CTNNA3: variants seen among roughly 807,000 people sequenced by gnomAD.
CTNNA3 encodes catenin alpha-3.
Under a neutral mutation model 95.7 loss-of-function variants are expected in CTNNA3, and 76 were observed. The observed-to-expected ratio is 0.79, with a 90% CI of 0.66 to 0.96. The LOEUF is 0.96. Among genes scored for constraint, CTNNA3 ranks in the 40% least tolerant of loss-of-function variants. CTNNA3 has a pLI of 0.00. For synonymous variants in CTNNA3, 431 were observed against 374.4 expected, an observed-to-expected ratio of 1.15 and a Z score of -1.74; for missense variants, 1,191 against 1,089.8, an observed-to-expected ratio of 1.09 and a Z score of -1.31.
At chr10:66,535,301 G>T (rs1214336453) in intron 10 of CTNNA3, among the ~76,000 whole-genome samples, 1 of 152,148 alleles carries the variant, frequency 6.6e-6, no homozygotes, top group Non-Finnish European at 1.5e-5. Context: ...AATTTAAAGT[G>T]TTATTTATTT....
rs1428231194 is a variant in CTNNA3 at position 67,080,908 on chromosome 10, G to GA, written c.1047+99408dup. ...TGGGCGAGAGAGCGAGACTCTGTCT[G>GA]AAAAAAAACAAAAAAACAAAAAAAC... On this transcript the variant is annotated intron_variant, in intron 7 of 17. Transcript: ENST00000433211. 4.7e-5 allele frequency among the ~76,000 whole-genome samples: 5 copies of GA among 106,482 alleles called. No homozygotes were observed. The South Asian group carries it at 8.6e-4, about 18-fold the overall frequency. 69.9% of individuals were successfully genotyped at this position (106,482 alleles called of 152,430 possible). A position where few individuals can be genotyped will look rare whatever the true frequency, so the allele number is the denominator to read the frequency against.
rs527245554 is a variant in CTNNA3, at chr10:66,072,521, T to A, written c.1978-3032A>T. Among the ~76,000 whole-genome samples the A allele has an allele frequency of 7.2e-5, 11 of 152,224 alleles. No individual in the cohort carries two copies. In the East Asian group the frequency reaches 2.1e-3, roughly 29 times the overall value. ...GTGCAGTGGCATGATCTCAGCTCAC[T>A]GCCACCTCTACCTCCTAGATTCAAG... On this transcript the variant is annotated intron_variant, in intron 14 of 17. Coordinates refer to ENST00000433211, the MANE Select transcript of CTNNA3 (RefSeq NM_013266.4).
intron 9 of CTNNA3, among the ~76,000 whole-genome samples, chr10:66,717,266 A>T (rs1035947888): frequency 6.6e-6 from 1 of 152,142 alleles, no homozygotes; most frequent in African/African-American, 2.4e-5. Context: ...ACCCCGACTG[A>T]CACAGGTAAA....
intron 5 of CTNNA3, among the ~76,000 whole-genome samples, chr10:67,501,506 G>A (rs1239584901): frequency 6.6e-6 from 1 of 152,104 alleles, no homozygotes; most frequent in Non-Finnish European, 1.5e-5. Context: ...TTGAATGTTG[G>A]CCTGTCTTGC....
Position 67,304,120 on chromosome 10 carries a change from TGTGGAGTTGG to T in CTNNA3, c.580-84260_580-84251del, listed in dbSNP as rs1474246214. On this transcript the variant is annotated intron_variant, in intron 5 of 17. Coordinates refer to ENST00000433211, the MANE Select transcript of CTNNA3 (RefSeq NM_013266.4). The stretch of plus-strand genomic sequence containing the variant: ...ATGCTTGAGATGTAAACATATATAA[TGTGGAGTTGG>T]GCAAAATTAAGGGTCTGCATCCCCA... Among the ~76,000 whole-genome samples, 7 of 152,212 alleles carry T rather than the reference TGTGGAGTTGG, an allele frequency of 4.6e-5. 1 individual carries two copies. The South Asian group carries it at 1.2e-3, about 27-fold the overall frequency.
intron 7 of CTNNA3, among the ~76,000 whole-genome samples, chr10:66,802,123 A>T (rs541945036): frequency 7.2e-5 from 11 of 151,850 alleles, no homozygotes; most frequent in African/African-American, 2.6e-4. Flanking sequence ...AACACCTAGG[A>T]GCAAAGAGCT....
chr10:66,957,396 ATATATATATATATATATG>A (rs1848854009), intron 7 of CTNNA3, among the ~76,000 whole-genome samples: 10 of 6,922 alleles, frequency 1.4e-3, no homozygotes, highest in African/African-American at 7.6e-3. Flanking sequence ...ATATATACAT[ATATATATATATATATATG>A]CATATATATA....
At chr10:66,393,826 CT>C (rs2092953061) in intron 11 of CTNNA3, among the ~76,000 whole-genome samples, 1 of 151,932 alleles carries the variant, frequency 6.6e-6, no homozygotes. Context: ...AGCCTTTGAG[CT>C]GATAAATATG....
chr10:66,329,482 G>A (rs2092298522), intron 12 of CTNNA3, among the ~76,000 whole-genome samples: 1 of 151,724 alleles, frequency 6.6e-6, no homozygotes, highest in Non-Finnish European at 1.5e-5. Context: ...AAAATTAACT[G>A]TCACAGTCTA....
At chr10:67,160,714 G>A (rs1321839244) in intron 7 of CTNNA3, among the ~76,000 whole-genome samples, 2 of 152,096 alleles carry the variant, frequency 1.3e-5, no homozygotes, top group Non-Finnish European at 2.9e-5. Context: ...GGGATTACAG[G>A]TGTGAGCCAC....
intron 10 of CTNNA3, among the ~76,000 whole-genome samples, chr10:66,539,128 T>G (rs965092411): frequency 6.6e-6 from 1 of 152,066 alleles, no homozygotes; most frequent in African/African-American, 2.4e-5. Context: ...TGGAAATGAG[T>G]CTCAATCATC....
intron 6 of CTNNA3, among the ~76,000 whole-genome samples, chr10:67,194,141 C>G (rs1447994050): frequency 6.6e-6 from 1 of 151,880 alleles, no homozygotes; most frequent in African/African-American, 2.4e-5. Flanking sequence ...TGTCCTTTGC[C>G]CACTTTTTAA....
At chr10:67,744,806 G>GA (rs1009228622) in intron 1 of CTNNA3, among the ~76,000 whole-genome samples, 12 of 151,712 alleles carry the variant, frequency 7.9e-5, no homozygotes, top group Non-Finnish European at 1.2e-4. Flanking sequence ...AAATTTACAA[G>GA]AAAAAAACAA....
intron 8 of CTNNA3, among the ~76,000 whole-genome samples, chr10:66,773,111 T>C (rs756068085): frequency 3.9e-5 from 6 of 151,956 alleles, no homozygotes; most frequent in African/African-American, 1.4e-4. Flanking sequence ...GGATGAAAAA[T>C]AAAGTACTAG....
intron 15 of CTNNA3, among the ~76,000 whole-genome samples, chr10:66,061,324 A>G (rs2080194411): frequency 1.3e-5 from 2 of 152,138 alleles, no homozygotes; most frequent in African/African-American, 4.8e-5. Flanking sequence ...AAATGGCTAC[A>G]TCAAGTTTTA....
intron 7 of CTNNA3, among the ~76,000 whole-genome samples, chr10:67,138,044 A>G (rs1226064966): frequency 6.6e-6 from 1 of 152,142 alleles, no homozygotes; most frequent in Non-Finnish European, 1.5e-5. Context: ...TTACAAAATA[A>G]ATATTGTATA....
intron 7 of CTNNA3, among the ~76,000 whole-genome samples, chr10:66,909,531 A>G (rs2132553272): frequency 6.6e-6 from 1 of 152,084 alleles, no homozygotes; most frequent in South Asian, 2.1e-4. Flanking sequence ...ATAAATAAAT[A>G]AATAAATAAA....
intron 2 of CTNNA3, 145 bp downstream of exon 2, chr10:67,647,270 C>T (rs1453177138): frequency 2.0e-6 from 1 of 489,102 alleles, no homozygotes; most frequent in Non-Finnish European, 3.4e-6. Flanking sequence ...CTACTTTTCA[C>T]ATCTTAACAA....
At chr10:67,635,562 C>A (rs796680380) in intron 2 of CTNNA3, among the ~76,000 whole-genome samples, 4 of 152,040 alleles carry the variant, frequency 2.6e-5, no homozygotes, top group Non-Finnish European at 5.9e-5. Flanking sequence ...GAACTAAAGA[C>A]AAAAACCACA....
Sources: allele counts gnomAD v4.1 joint callset (sites outside exome capture counted in the v4.1 genomes callset), GRCh38; gene constraint gnomAD v4.1.1; transcripts MANE v1.5; gene names NCBI Gene and HGNC (gene_info 2026-07-23, HGNC 2026-07-21).